Variants in CASTOR2 observed in about 807,000 individuals in gnomAD.
CASTOR2 encodes the protein GATS protein like 2.
In CASTOR2, 8 loss-of-function variants were observed where a neutral mutation model predicts 31.2. The observed-to-expected ratio is 0.26, with a 90% CI of 0.15 to 0.46. CASTOR2 has a LOEUF of 0.46. Among genes scored for constraint, CASTOR2 ranks in the 20% least tolerant of loss-of-function variants. The pLI is 0.99. For synonymous variants in CASTOR2, 162 were observed against 158.7 expected, an observed-to-expected ratio of 1.02 and a Z score of -0.16; for missense variants, 216 against 382.1, an observed-to-expected ratio of 0.57 and a Z score of 3.62.
rs926163769 is a variant in CASTOR2, at chr7:75,020,254, T to G, written c.746+105T>G. On this transcript the variant is annotated intron_variant, in intron 6 of 8. Transcript: ENST00000616305. The stretch of plus-strand genomic sequence containing the variant: ...ACTTTGTCTTTTATTTGTTGTTGTT[T>G]TTTTTTGATACGGGGTCTCGCTCTG... 2.9e-3 allele frequency: 3,374 copies of G among 1,169,724 alleles called. 82 individuals carry two copies. In the African/African-American group the frequency reaches 0.046, roughly 16 times the overall value. 72.5% of individuals were successfully genotyped at this position (1,169,724 alleles called of 1,614,324 possible). A position where few individuals can be genotyped will look rare whatever the true frequency, so the allele number is the denominator to read the frequency against.
At chr7:75,023,913 A>C (rs1805066001) in intron 7 of CASTOR2, among the ~76,000 whole-genome samples, 1 of 152,202 alleles carries the variant, frequency 6.6e-6, no homozygotes. Flanking sequence ...GGGCAGGAAC[A>C]CAAAGCCAAA....
At chr7:74,983,308 G>T (rs1266692839) in intron 1 of CASTOR2, among the ~76,000 whole-genome samples, 1 of 150,918 alleles carries the variant, frequency 6.6e-6, no homozygotes, top group South Asian at 2.1e-4. Context: ...CACTATGCCC[G>T]GCCACATTTC....
intron 1 of CASTOR2, among the ~76,000 whole-genome samples, chr7:74,999,928 TA>T (rs1447254938): frequency 3.5e-4 from 53 of 152,276 alleles, no homozygotes; most frequent in Middle Eastern, 3.4e-3. Context: ...CTGCGTGTTT[TA>T]AAAGGCCCCT....
At chr7:75,022,754 G>A (rs1409188918) in intron 7 of CASTOR2, among the ~76,000 whole-genome samples, 5 of 152,112 alleles carry the variant, frequency 3.3e-5, no homozygotes, top group Admixed American at 2.0e-4. Flanking sequence ...AGCCAAGATC[G>A]CTCCATTGCA....
intron 2 of CASTOR2, among the ~76,000 whole-genome samples, chr7:75,014,257 T>C (rs1584475186): frequency 6.6e-6 from 1 of 151,208 alleles, no homozygotes; most frequent in Admixed American, 6.6e-5. Context: ...CAAGGCATGG[T>C]CAGGAGGCAG....
At chr7:75,000,027 G>C (rs1264937453) in intron 1 of CASTOR2, among the ~76,000 whole-genome samples, 1 of 152,170 alleles carries the variant, frequency 6.6e-6, no homozygotes, top group Admixed American at 6.6e-5. Flanking sequence ...AGGAATTCGA[G>C]ACCAGCCTGG....
chr7:75,028,270 A>G lies in CASTOR2; in HGVS notation c.*3571A>G, dbSNP rs1322845818. Among the ~76,000 whole-genome samples, 7 of 151,914 alleles carry G rather than the reference A, an allele frequency of 4.6e-5. No individual in the cohort carries two copies. The highest frequency in any genetic ancestry group is 1.7e-4 in the African/African-American group (7 of 41,324). Reference sequence around the variant, plus strand: ...CAAGTAGGTGAGATTACAGGCACTCACCACCACACGCGGCTAATTTTTGTA... The same window carrying G: ...CAAGTAGGTGAGATTACAGGCACTCGCCACCACACGCGGCTAATTTTTGTA... On this transcript the variant is annotated 3_prime_UTR_variant, in exon 9 of 9. Coordinates refer to ENST00000616305, the MANE Select transcript of CASTOR2 (RefSeq NM_001145064.3).
At chr7:74,978,568 A>G (rs1485775580) in intron 1 of CASTOR2, among the ~76,000 whole-genome samples, 1 of 46,320 alleles carries the variant, frequency 2.2e-5, no homozygotes, top group East Asian at 4.4e-4. Context: ...TACAACATGA[A>G]TGAACCTTGA....
intron 2 of CASTOR2, 109 bp downstream of exon 2, chr7:75,008,173 C>A: frequency 7.4e-7 from 1 of 1,357,372 alleles, no homozygotes; most frequent in Non-Finnish European, 1.0e-6. Flanking sequence ...TCTGCCCCCA[C>A]CTACCTCCTT....
At chr7:75,017,308 G>A (rs1352156821) in intron 2 of CASTOR2, among the ~76,000 whole-genome samples, 26 of 151,956 alleles carry the variant, frequency 1.7e-4, no homozygotes, top group Non-Finnish European at 2.6e-4. Flanking sequence ...TTAGCTGGGC[G>A]TGGTGGCATG....
chr7:75,015,912 T>C (rs1804852869), intron 2 of CASTOR2, among the ~76,000 whole-genome samples: 1 of 151,900 alleles, frequency 6.6e-6, no homozygotes, highest in Non-Finnish European at 1.5e-5. Context: ...ACTAAAAATA[T>C]AAAAATTAGC....
rs911009087 is a variant in CASTOR2, at chr7:75,029,994, C to A, written c.*5295C>A. Among the ~76,000 whole-genome samples, 2 of 152,180 alleles carry A rather than the reference C, an allele frequency of 1.3e-5. No homozygotes were observed. The highest frequency in any genetic ancestry group is 2.4e-5 in the African/African-American group (1 of 41,450). ...TCAACATAGCAAGACCCTGCCTCTA[C>A]AAGAAAATAACGAAAGAGGCCCCAG... On this transcript the variant is annotated 3_prime_UTR_variant, in exon 9 of 9. Coordinates refer to ENST00000616305, the MANE Select transcript of CASTOR2 (RefSeq NM_001145064.3).
intron 2 of CASTOR2, 120 bp from the exon 3 acceptor site, chr7:75,017,478 C>A: frequency 1.6e-6 from 2 of 1,232,000 alleles, no homozygotes; most frequent in Non-Finnish European, 1.2e-6. Context: ...GAAAGTGAGG[C>A]AAGGCACAGG....
At chr7:75,006,602 C>T (rs1804610809) in intron 1 of CASTOR2, among the ~76,000 whole-genome samples, 1 of 152,150 alleles carries the variant, frequency 6.6e-6, no homozygotes, top group African/African-American at 2.4e-5. Flanking sequence ...TATGGTTTGG[C>T]TGTGTCCCAC....
chr7:74,996,236 A>G (rs1385971850), intron 1 of CASTOR2, among the ~76,000 whole-genome samples: 11 of 152,122 alleles, frequency 7.2e-5, no homozygotes, highest in Non-Finnish European at 1.3e-4. Context: ...GGATGGGGCC[A>G]GCCGAGGGGC....
At position 75,024,769 on chromosome 7, in the gene CASTOR2, A is replaced by G. The variant is rs1805082606; in HGVS notation, c.*70A>G. The G allele has an allele frequency of 1.9e-6, 3 of 1,551,182 alleles. No homozygotes were observed. The highest frequency in any genetic ancestry group is 1.7e-6 in the Non-Finnish European group (2 of 1,146,796). ...TAACCCTGAAGATTGATCTTGCAGT[A>G]TTTCTCTACAGACTGGAAAATCAGC... On this transcript the variant is annotated 3_prime_UTR_variant, in exon 9 of 9. Transcript: ENST00000616305.
Position 75,009,173 on chromosome 7 carries a change from G to A in CASTOR2, c.184+1109G>A, listed in dbSNP as rs1393626861. Among the ~76,000 whole-genome samples, 15 of 149,104 alleles carry A rather than the reference G, an allele frequency of 1.0e-4. No individual in the cohort carries two copies. The East Asian group carries it at 1.4e-3, about 14-fold the overall frequency. On this transcript the variant is annotated intron_variant, in intron 2 of 8. Transcript: ENST00000616305. ...GAGATTCACCCTGTTGGCCAGGATCGTCTTGATCTCCTGACCTCATGATCC... is the reference window on the plus strand; with the variant it reads ...GAGATTCACCCTGTTGGCCAGGATCATCTTGATCTCCTGACCTCATGATCC...
chr7:74,991,144 C>T (rs1440870411), intron 1 of CASTOR2, among the ~76,000 whole-genome samples: 8 of 151,818 alleles, frequency 5.3e-5, no homozygotes, highest in African/African-American at 1.2e-4. Flanking sequence ...TATAGTTGGG[C>T]GAGCTGGAAG....
Position 75,028,202 on chromosome 7 carries a change from C to T in CASTOR2, c.*3503C>T. 1.1e-6 allele frequency: 1 copy of T among 890,908 alleles called. No individual in the cohort carries two copies. Among genetic ancestry groups the T allele is most frequent in the Admixed American group, 3.0e-5 (1 of 33,706 alleles). 55.2% of individuals were successfully genotyped at this position (890,908 alleles called of 1,614,324 possible). On this transcript the variant is annotated 3_prime_UTR_variant, in exon 9 of 9. Transcript: ENST00000616305. ...GCATGATCTCAGCTCACTGCAGCAACCTCCACTTCCTGGGTTCAAGCGAGT... is the reference window on the plus strand; with the variant it reads ...GCATGATCTCAGCTCACTGCAGCAATCTCCACTTCCTGGGTTCAAGCGAGT...
Sources: gnomAD v4.1 joint callset for allele counts (sites outside exome capture counted in the v4.1 genomes callset) on GRCh38, gnomAD v4.1.1 for gene constraint, MANE v1.5 for transcripts, NCBI Gene and HGNC (gene_info 2026-07-23, HGNC 2026-07-21) for gene names.